PCDH15: variants seen among roughly 807,000 people sequenced by gnomAD.
PCDH15 encodes protocadherin related 15.
PCDH15 carries 129 observed loss-of-function variants against 178.5 expected under a neutral mutation model. The observed-to-expected ratio is 0.72, with a 90% CI of 0.63 to 0.84. The LOEUF (loss-of-function observed/expected upper bound fraction) is 0.84. PCDH15 is among the 40% of genes least tolerant of loss of function. The pLI, the probability that PCDH15 is intolerant of heterozygous loss-of-function variation, is 0.00. For missense variants in PCDH15, 2,230 were observed against 2,099.9 expected (o/e 1.06, Z -1.21); for synonymous variants, 800 against 732.0 (o/e 1.09, Z -1.50).
chr10:55,180,203 G>A (rs544671200), intron 1 of PCDH15, among the ~76,000 whole-genome samples: 4 of 152,002 alleles, frequency 2.6e-5, no homozygotes, highest in South Asian at 2.1e-4. Flanking sequence ...AAAGTAAAGA[G>A]AGAGAAAATC....
intron 2 of PCDH15, among the ~76,000 whole-genome samples, chr10:55,066,024 T>C (rs1427353343): frequency 6.6e-6 from 1 of 152,020 alleles, no homozygotes; most frequent in African/African-American, 2.4e-5. Context: ...CCATAATTTA[T>C]TAATTTTTAT....
chr10:54,920,314 C>T (rs1215799871), intron 2 of PCDH15, among the ~76,000 whole-genome samples: 1 of 151,544 alleles, frequency 6.6e-6, no homozygotes, highest in Non-Finnish European at 1.5e-5. Flanking sequence ...ACTAAAATTG[C>T]AAAAAATTAG....
intron 2 of PCDH15, among the ~76,000 whole-genome samples, chr10:54,600,880 G>A (rs2092490433): frequency 6.6e-6 from 1 of 151,946 alleles, no homozygotes; most frequent in Non-Finnish European, 1.5e-5. Flanking sequence ...GATACTGTAT[G>A]TACCTGGGAA....
chr10:54,652,242 G>A (rs568654024), intron 2 of PCDH15, among the ~76,000 whole-genome samples: 1 of 152,140 alleles, frequency 6.6e-6, no homozygotes, highest in African/African-American at 2.4e-5. Flanking sequence ...ATTTTCAGTT[G>A]CTGCTCTGCC....
chr10:53,987,553 T>C (rs1391021765), intron 21 of PCDH15, among the ~76,000 whole-genome samples: 1 of 152,142 alleles, frequency 6.6e-6, no homozygotes, highest in African/African-American at 2.4e-5. Flanking sequence ...ATGTGACTAA[T>C]TCTTCAAAGA....
In PCDH15 at chr10:54,163,140, T is replaced by C. The variant is rs145658820; in HGVS notation, c.1591-9847A>G. Among the ~76,000 whole-genome samples the C allele has an allele frequency of 4.6e-5, 7 of 152,278 alleles. No individual in the cohort carries two copies. The East Asian group carries it at 1.2e-3, about 25-fold the overall frequency. On this transcript the variant is annotated intron_variant, in intron 13 of 37. Coordinates refer to ENST00000644397, the MANE Select transcript of PCDH15 (RefSeq NM_001384140.1). The stretch of plus-strand genomic sequence containing the variant: ...ACCTAGAAGTAGAATATGCCTAATC[T>C]ACAAGCTTCTGGGAGAAACAATACT...
chr10:54,408,331 G>A (rs17728345), intron 3 of PCDH15, among the ~76,000 whole-genome samples: 1 of 151,518 alleles, frequency 6.6e-6, no homozygotes, highest in African/African-American at 2.4e-5. Flanking sequence ...AAATATATGG[G>A]GATAAATGTA....
chr10:54,665,395 G>C (rs2094555648), intron 1 of PCDH15, among the ~76,000 whole-genome samples: 1 of 151,978 alleles, frequency 6.6e-6, no homozygotes, highest in South Asian at 2.1e-4. Context: ...GCTTCTAGCA[G>C]GTAATATTGA....
At chr10:55,581,042 T>G (rs1842604348) in intron 2 of PCDH15, among the ~76,000 whole-genome samples, 1 of 152,202 alleles carries the variant, frequency 6.6e-6, no homozygotes, top group South Asian at 2.1e-4. Flanking sequence ...AGTCAGTGAT[T>G]CCTTTGGAAT....
At chr10:54,164,934 C>G (rs890221216) in intron 13 of PCDH15, among the ~76,000 whole-genome samples, 1 of 152,150 alleles carries the variant, frequency 6.6e-6, no homozygotes, top group Non-Finnish European at 1.5e-5. Context: ...CTGGGTCTCT[C>G]CAGGTTGGCA....
intron 2 of PCDH15, among the ~76,000 whole-genome samples, chr10:54,536,136 T>C (rs1234922669): frequency 8.5e-5 from 13 of 152,218 alleles, no homozygotes; most frequent in Admixed American, 7.2e-4. Flanking sequence ...GTTAAGAACA[T>C]AGCCTTTGAG....
intron 21 of PCDH15, among the ~76,000 whole-genome samples, chr10:53,972,671 C>T (rs1420117320): frequency 6.6e-6 from 1 of 152,122 alleles, no homozygotes; most frequent in African/African-American, 2.4e-5. Context: ...TTTATGCAGC[C>T]AACAGACACA....
At chr10:54,897,736 G>A (rs879720497) in intron 2 of PCDH15, among the ~76,000 whole-genome samples, 4 of 151,950 alleles carry the variant, frequency 2.6e-5, no homozygotes, top group Non-Finnish European at 4.4e-5. Context: ...TTCACAAAAT[G>A]TTTTATCTTT....
At chr10:54,587,514 C>T (rs2091573281) in intron 2 of PCDH15, among the ~76,000 whole-genome samples, 1 of 141,560 alleles carries the variant, frequency 7.1e-6, no homozygotes, top group Non-Finnish European at 1.5e-5. Flanking sequence ...GTGACGCCAG[C>T]AAAAACCCAA....
At chr10:55,263,421 A>G (rs199910106) in intron 1 of PCDH15, among the ~76,000 whole-genome samples, 1 of 152,090 alleles carries the variant, frequency 6.6e-6, no homozygotes, top group African/African-American at 2.4e-5. Flanking sequence ...CTCCACCCCA[A>G]CAGCCGCAGG....
chr10:54,461,973 A>G (rs1056307354), intron 3 of PCDH15, among the ~76,000 whole-genome samples: 1 of 152,040 alleles, frequency 6.6e-6, no homozygotes, highest in Admixed American at 6.6e-5. Flanking sequence ...CATATGATAA[A>G]ATCTTAGAGA....
chr10:55,170,366 T>C (rs1839301210), intron 1 of PCDH15, among the ~76,000 whole-genome samples: 3 of 152,110 alleles, frequency 2.0e-5, no homozygotes, highest in Middle Eastern at 3.4e-3. Context: ...CCAGTTCTGT[T>C]TCAAACTCCT....
chr10:53,992,273 TCAG>T (rs1278424562), intron 21 of PCDH15, among the ~76,000 whole-genome samples: 7 of 152,036 alleles, frequency 4.6e-5, no homozygotes, highest in Admixed American at 4.6e-4. Flanking sequence ...CGTCTGAACA[TCAG>T]AAGGAACAAA....
intron 10 of PCDH15, among the ~76,000 whole-genome samples, chr10:54,203,761 AC>A (rs2050495007): frequency 6.6e-6 from 1 of 152,120 alleles, no homozygotes; most frequent in African/African-American, 2.4e-5. Flanking sequence ...AAGTTTCTTC[AC>A]CCAGCAAGGT....
Sources: allele counts gnomAD v4.1 joint callset (sites outside exome capture counted in the v4.1 genomes callset), GRCh38; gene constraint gnomAD v4.1.1; transcripts MANE v1.5; gene names NCBI Gene and HGNC (gene_info 2026-07-23, HGNC 2026-07-21).